ESRRG: variants seen among roughly 807,000 people sequenced by gnomAD.
ESRRG encodes the protein estrogen-related receptor gamma.
A neutral mutation model predicts 44.0 loss-of-function variants in ESRRG; 13 were observed. The ratio of observed to expected loss-of-function variants is 0.30; its 90% CI spans 0.19 to 0.47. ESRRG has a LOEUF of 0.47. Ranked by LOEUF, ESRRG falls within the 20% of genes least tolerant of loss-of-function variation. ESRRG has a pLI of 1.00. For synonymous variants in ESRRG, 215 were observed against 214.6 expected, an observed-to-expected ratio of 1.00 and a Z score of -0.02; for missense variants, 395 against 580.6, an observed-to-expected ratio of 0.68 and a Z score of 3.29.
chr1:216,921,148 C>A (rs569316376), intron 2 of ESRRG, among the ~76,000 whole-genome samples: 1 of 152,214 alleles, frequency 6.6e-6, no homozygotes, highest in East Asian at 1.9e-4. Flanking sequence ...ATAAAGTTGG[C>A]AAGATTTTTT....
chr1:216,906,508 G>A (rs1316904989), intron 2 of ESRRG, among the ~76,000 whole-genome samples: 4 of 152,068 alleles, frequency 2.6e-5, no homozygotes, highest in East Asian at 1.9e-4. Context: ...AAGCCCTCCC[G>A]TGCCTCACCC....
At chr1:217,132,220 C>T (rs1312474559) in intron 1 of ESRRG, among the ~76,000 whole-genome samples, 2 of 152,180 alleles carry the variant, frequency 1.3e-5, no homozygotes, top group African/African-American at 4.8e-5. Flanking sequence ...GTCTCAAACT[C>T]CCAGAGTCCA....
At chr1:216,743,001 AATT>A (rs1391852340) in intron 2 of ESRRG, among the ~76,000 whole-genome samples, 1 of 152,112 alleles carries the variant, frequency 6.6e-6, no homozygotes, top group Admixed American at 6.6e-5. Flanking sequence ...TTAAAGATGA[AATT>A]ATTAACTCCA....
At chr1:216,833,018 AT>A (rs1464893091) in intron 2 of ESRRG, among the ~76,000 whole-genome samples, 7 of 151,318 alleles carry the variant, frequency 4.6e-5, no homozygotes, top group Admixed American at 4.6e-4. Flanking sequence ...TTGTAAATTA[AT>A]TTTATTTTTT....
intron 2 of ESRRG, among the ~76,000 whole-genome samples, chr1:216,658,250 A>T (rs754911573): frequency 5.3e-5 from 8 of 152,172 alleles, no homozygotes; most frequent in Non-Finnish European, 1.0e-4. Flanking sequence ...GCTTTTAAAA[A>T]TGCTATAAAA....
At chr1:216,714,637 A>G in intron 1 of ESRRG, 1 of 728,042 alleles carries the variant, frequency 1.4e-6, no homozygotes, top group Non-Finnish European at 1.7e-6. Context: ...TTTGTTCACT[A>G]TAAGAAAATA....
chr1:216,995,178 A>G (rs1355436617), intron 1 of ESRRG, among the ~76,000 whole-genome samples: 2 of 152,136 alleles, frequency 1.3e-5, no homozygotes, highest in Non-Finnish European at 2.9e-5. Flanking sequence ...CTTGCATCCA[A>G]TACATATGCA....
intron 1 of ESRRG, among the ~76,000 whole-genome samples, chr1:216,971,646 T>C (rs972526490): frequency 2.0e-5 from 3 of 152,170 alleles, no homozygotes; most frequent in Admixed American, 2.0e-4. Flanking sequence ...AAAACCGAAA[T>C]TTGCAATGGT....
At chr1:216,631,993 G>T (rs983642459) in intron 3 of ESRRG, among the ~76,000 whole-genome samples, 3 of 152,088 alleles carry the variant, frequency 2.0e-5, no homozygotes, top group Non-Finnish European at 4.4e-5. Flanking sequence ...ACACATACAG[G>T]AGGTCCCGAA....
At chr1:217,019,837 A>G (rs2080017263) in intron 1 of ESRRG, among the ~76,000 whole-genome samples, 1 of 152,180 alleles carries the variant, frequency 6.6e-6, no homozygotes, top group Non-Finnish European at 1.5e-5. Flanking sequence ...TTGTTTATTG[A>G]ACAAAACTAA....
At chr1:216,927,441 AC>A (rs2062742529) in intron 2 of ESRRG, among the ~76,000 whole-genome samples, 1 of 152,162 alleles carries the variant, frequency 6.6e-6, no homozygotes, top group Non-Finnish European at 1.5e-5. Context: ...CTGCAAAGTG[AC>A]CAGTGAGAAT....
At chr1:217,060,097 A>G (rs1410663444) in intron 1 of ESRRG, among the ~76,000 whole-genome samples, 1 of 152,072 alleles carries the variant, frequency 6.6e-6, no homozygotes, top group Non-Finnish European at 1.5e-5. Flanking sequence ...TGGCCGGCAT[A>G]CAATACGTAT....
chr1:216,590,842 A>C (rs1045404246), intron 3 of ESRRG, among the ~76,000 whole-genome samples: 1 of 152,176 alleles, frequency 6.6e-6, no homozygotes, highest in African/African-American at 2.4e-5. Flanking sequence ...TGATAACGTA[A>C]GTTCCTTTTT....
intron 1 of ESRRG, among the ~76,000 whole-genome samples, chr1:216,948,386 A>G (rs2066408025): frequency 6.7e-6 from 1 of 150,062 alleles, no homozygotes; most frequent in Admixed American, 6.7e-5. Context: ...TGTAGGCAGG[A>G]GAATCTCTTG....
At position 216,505,781 on chromosome 1, in the gene ESRRG, A is replaced by G. The variant is rs1221542899; in HGVS notation, c.*1158T>C. On this transcript the variant is annotated 3_prime_UTR_variant, in exon 7 of 7. Coordinates refer to ENST00000408911, the MANE Select transcript of ESRRG (RefSeq NM_001438.4). Reference sequence around the variant, plus strand: ...GATGTTTGGGACCAGACTGGCACACAACATAAATTGCATCCGTGATAATAT... The same window carrying G: ...GATGTTTGGGACCAGACTGGCACACGACATAAATTGCATCCGTGATAATAT... The G allele has an allele frequency of 6.6e-6, 1 of 152,644 alleles. No homozygotes were observed. Among genetic ancestry groups the G allele is most frequent in the Non-Finnish European group, 1.5e-5 (1 of 68,036 alleles). 9.5% of individuals were successfully genotyped at this position (152,644 alleles called of 1,614,324 possible). A position where few individuals can be genotyped will look rare whatever the true frequency, so the allele number is the denominator to read the frequency against.
chr1:216,752,253 C>T (rs556625742), intron 2 of ESRRG, among the ~76,000 whole-genome samples: 74 of 152,092 alleles, frequency 4.9e-4, no homozygotes, highest in Non-Finnish European at 9.1e-4. Context: ...GAGCAGATTC[C>T]GCTTTTCTCT....
At chr1:216,722,221 G>C (rs1282536440) in intron 1 of ESRRG, among the ~76,000 whole-genome samples, 2 of 152,176 alleles carry the variant, frequency 1.3e-5, no homozygotes, top group African/African-American at 4.8e-5. Context: ...ACTCTTTTCA[G>C]AATTATAACA....
rs558031681 is a variant in ESRRG, at chr1:216,747,300, C to T, written c.-13-69809G>A. On this transcript the variant is annotated intron_variant, in intron 2 of 7. Coordinates refer to the ESRRG transcript ENST00000359162. Reference sequence around the variant, plus strand: ...CCACCAGGCTTCTTTCTGTCTTAGCCCTGTGTTTATTCTTCTGCCTCACTC... The same window carrying T: ...CCACCAGGCTTCTTTCTGTCTTAGCTCTGTGTTTATTCTTCTGCCTCACTC... 5.1e-4 allele frequency among the ~76,000 whole-genome samples: 78 copies of T among 152,164 alleles called. 2 individuals are homozygous for T. In the South Asian group the frequency reaches 0.015, roughly 30 times the overall value.
chr1:216,581,412 A>G (rs912113025), intron 3 of ESRRG, among the ~76,000 whole-genome samples: 1 of 152,182 alleles, frequency 6.6e-6, no homozygotes, highest in Non-Finnish European at 1.5e-5. Context: ...ACACAGACAC[A>G]ATCCTAAACC....
Sources: gnomAD v4.1 joint callset for allele counts (sites outside exome capture counted in the v4.1 genomes callset) on GRCh38, gnomAD v4.1.1 for gene constraint, MANE v1.5 for transcripts, NCBI Gene and HGNC (gene_info 2026-07-23, HGNC 2026-07-21) for gene names.